Variants in SORCS1 observed in about 807,000 individuals in gnomAD.
The protein encoded by SORCS1 is VPS10 domain-containing receptor SorCS1.
A neutral mutation model predicts 146.1 loss-of-function variants in SORCS1; 60 were observed. The observed-to-expected ratio is 0.41, with a 90% confidence interval of 0.33 to 0.51. The LOEUF (loss-of-function observed/expected upper bound fraction) is 0.51, where lower values mean the gene tolerates loss of function less well. SORCS1 is among the 20% of genes least tolerant of loss of function. SORCS1 has a pLI of 0.21. For missense variants in SORCS1, 1,352 were observed against 1,487.6 expected, an observed-to-expected ratio of 0.91 and a Z score of 1.50; for synonymous variants, 637 against 584.0, an observed-to-expected ratio of 1.09 and a Z score of -1.31.
Position 106,841,650 on chromosome 10 carries a change from A to ATC in SORCS1, c.627-11979_627-11978dup, listed in dbSNP as rs1949047707. Among the ~76,000 whole-genome samples, 3 of 152,336 alleles carry ATC rather than the reference A, an allele frequency of 2.0e-5. No homozygotes were observed. The South Asian group carries it at 6.2e-4, about 32-fold the overall frequency. ...AGTTGTCTGGAATCAAATCCACAGT[A>ATC]TCTGAGGTATGCCTATAGTTGAAAT... On this transcript the variant is annotated intron_variant, in intron 2 of 25. Coordinates refer to ENST00000263054, the MANE Select transcript of SORCS1 (RefSeq NM_052918.5).
At chr10:106,883,020 C>G (rs567827235) in intron 2 of SORCS1, among the ~76,000 whole-genome samples, 136 of 152,316 alleles carry the variant, frequency 8.9e-4, no homozygotes, top group African/African-American at 2.9e-3. Flanking sequence ...CGTATGATTG[C>G]AGAAATGATT....
At chr10:106,926,864 CACAGAGAGAGAG>C (rs1196140946) in intron 2 of SORCS1, among the ~76,000 whole-genome samples, 109 of 70,744 alleles carry the variant, frequency 1.5e-3, no homozygotes, top group African/African-American at 7.9e-3. Flanking sequence ...CACACACACA[CACAGAGAGAGAG>C]AGAGAGAGAG....
chr10:106,819,238 T>C (rs1407232673), intron 3 of SORCS1, among the ~76,000 whole-genome samples: 1 of 152,226 alleles, frequency 6.6e-6, no homozygotes, highest in East Asian at 1.9e-4. Flanking sequence ...AATCATTATA[T>C]TTTAGTTTGG....
At chr10:106,671,187 T>C (rs1272547819) in intron 16 of SORCS1, 50 bp downstream of exon 16, 8 of 1,611,158 alleles carry the variant, frequency 5.0e-6, no homozygotes, top group Non-Finnish European at 6.8e-6. Context: ...TTCAGGCCCA[T>C]GTGGATTTGA....
At chr10:107,118,604 G>C (rs1304203173) in intron 1 of SORCS1, among the ~76,000 whole-genome samples, 5 of 152,054 alleles carry the variant, frequency 3.3e-5, no homozygotes, top group Non-Finnish European at 7.4e-5. Flanking sequence ...TTACATAAAA[G>C]GATAAACAGA....
At chr10:106,673,610 A>G (rs1851780621) in intron 14 of SORCS1, among the ~76,000 whole-genome samples, 1 of 152,232 alleles carries the variant, frequency 6.6e-6, no homozygotes, top group Non-Finnish European at 1.5e-5. Flanking sequence ...AATATGGTTG[A>G]GAAAAACAAT....
chr10:106,882,684 C>T (rs1331391802), intron 2 of SORCS1, among the ~76,000 whole-genome samples: 1 of 152,178 alleles, frequency 6.6e-6, no homozygotes, highest in Non-Finnish European at 1.5e-5. Flanking sequence ...CACACATACA[C>T]ACACAATCTA....
At chr10:106,998,317 A>G (rs7905326) in intron 1 of SORCS1, among the ~76,000 whole-genome samples, 12,512 of 152,274 alleles carry the variant, frequency 0.082, 1,704 homozygotes, top group African/African-American at 0.28. Context: ...AGCTGGCTTG[A>G]TTACCTGAAC....
rs146907122 is a variant in SORCS1 at position 106,795,659 on chromosome 10, T to C, written c.727-18967A>G. On this transcript the variant is annotated intron_variant, in intron 3 of 25. Coordinates refer to ENST00000263054, the MANE Select transcript of SORCS1 (RefSeq NM_052918.5). ...ATTGAAATAATGGGTGTTCGTGTGA[T>C]CTTTGGTATTTATAGGCATCAAGGT... Among the ~76,000 whole-genome samples, 235 of 152,330 alleles carry C rather than the reference T, an allele frequency of 1.5e-3. 10 individuals carry two copies. The East Asian group carries it at 0.038, about 24-fold the overall frequency.
intron 1 of SORCS1, among the ~76,000 whole-genome samples, chr10:107,139,143 T>A (rs116944413): frequency 4.6e-5 from 7 of 152,246 alleles, no homozygotes; most frequent in Non-Finnish European, 8.8e-5. Context: ...TTAAATCTGA[T>A]GAATTAAATT....
intron 18 of SORCS1, among the ~76,000 whole-genome samples, chr10:106,650,437 AAAACCTTTAACTTCTC>A (rs1017859160): frequency 2.0e-5 from 3 of 152,198 alleles, no homozygotes; most frequent in African/African-American, 7.2e-5. Context: ...TGATACTTCT[AAAACCTTTAACTTCTC>A]AGCCTCTTAT....
At chr10:106,760,174 A>T (rs112920669) in intron 5 of SORCS1, among the ~76,000 whole-genome samples, 1 of 152,016 alleles carries the variant, frequency 6.6e-6, no homozygotes, top group Non-Finnish European at 1.5e-5. Flanking sequence ...GCCGGGCGTG[A>T]TGGCTCACGC....
chr10:106,893,826 C>A (rs1414280167), intron 2 of SORCS1, among the ~76,000 whole-genome samples: 1 of 152,174 alleles, frequency 6.6e-6, no homozygotes, highest in Admixed American at 6.5e-5. Context: ...AATTATCCCT[C>A]CAGCTCTTCG....
intron 1 of SORCS1, among the ~76,000 whole-genome samples, chr10:106,973,396 C>T (rs561364850): frequency 1.3e-5 from 2 of 152,308 alleles, no homozygotes; most frequent in African/African-American, 2.4e-5. Flanking sequence ...AACCCAACAC[C>T]CTGTCTGCTC....
chr10:106,924,461 T>TTATCTATC (rs570328127), intron 2 of SORCS1, among the ~76,000 whole-genome samples: 1,379 of 125,684 alleles, frequency 0.011, 11 homozygotes, highest in Non-Finnish European at 0.014. Context: ...AATTCCACAG[T>TTATCTATC]TATCGATCTA....
intron 22 of SORCS1, among the ~76,000 whole-genome samples, chr10:106,611,645 C>T (rs1001671720): frequency 2.6e-5 from 4 of 152,164 alleles, no homozygotes; most frequent in Non-Finnish European, 5.9e-5. Flanking sequence ...TACTTGTCCT[C>T]CTTCTCTAAG....
intron 1 of SORCS1, among the ~76,000 whole-genome samples, chr10:106,983,791 C>T (rs910301975): frequency 6.6e-6 from 1 of 152,142 alleles, no homozygotes; most frequent in Non-Finnish European, 1.5e-5. Flanking sequence ...GAACTTAACA[C>T]GGAAGAGCAG....
At chr10:107,048,881 TTG>T (rs1310616503) in intron 1 of SORCS1, among the ~76,000 whole-genome samples, 3 of 152,128 alleles carry the variant, frequency 2.0e-5, no homozygotes, top group African/African-American at 7.2e-5. Flanking sequence ...AGCGGTAAAT[TTG>T]TGTTTCAGAA....
At chr10:106,828,242 G>C (rs1411065534) in intron 3 of SORCS1, among the ~76,000 whole-genome samples, 2 of 152,104 alleles carry the variant, frequency 1.3e-5, no homozygotes, top group African/African-American at 4.8e-5. Context: ...ATGCTCAACT[G>C]AAAAGTTATG....
Sources: allele counts gnomAD v4.1 joint callset (sites outside exome capture counted in the v4.1 genomes callset), GRCh38; gene constraint gnomAD v4.1.1; transcripts MANE v1.5; gene names NCBI Gene and HGNC (gene_info 2026-07-23, HGNC 2026-07-21).